SAMSN1: variants seen among roughly 807,000 people sequenced by gnomAD.
SAMSN1 encodes SAM domain, SH3 domain and nuclear localization signals 1.
In SAMSN1, 31 loss-of-function variants were observed where a neutral mutation model predicts 42.0. The observed-to-expected ratio is 0.74, with a 90% CI of 0.55 to 1.00. The LOEUF (loss-of-function observed/expected upper bound fraction) is 1.00, where lower values mean the gene tolerates loss of function less well. Ranked by LOEUF, SAMSN1 falls within the 50% of genes least tolerant of loss-of-function variation. The pLI is 0.00. For missense variants in SAMSN1, 464 were observed against 439.4 expected, an observed-to-expected ratio of 1.06 and a Z score of -0.50; for synonymous variants, 178 against 151.9, an observed-to-expected ratio of 1.17 and a Z score of -1.26.
At chr21:14,492,765 G>C (rs1276082115) in intron 7 of SAMSN1, among the ~76,000 whole-genome samples, 1 of 152,178 alleles carries the variant, frequency 6.6e-6, no homozygotes, top group East Asian at 1.9e-4. Context: ...AAGTTTGGAG[G>C]TAAAATTAAA....
chr21:14,501,934 G>A (rs1987177030), intron 5 of SAMSN1, among the ~76,000 whole-genome samples: 1 of 152,246 alleles, frequency 6.6e-6, no homozygotes, highest in East Asian at 1.9e-4. Flanking sequence ...AAACCTCATG[G>A]GGATATTTAT....
intron 2 of SAMSN1, among the ~76,000 whole-genome samples, chr21:14,620,726 CT>C (rs549652512): frequency 3.9e-4 from 60 of 152,152 alleles, no homozygotes; most frequent in Middle Eastern, 3.4e-3. Context: ...ATGAGTTAAC[CT>C]ATATAAAATC....
upstream of SAMSN1, among the ~76,000 whole-genome samples, chr21:14,587,744 CTTAT>C (rs75505800): frequency 4.6e-5 from 7 of 150,742 alleles, no homozygotes; most frequent in East Asian, 7.8e-4. Context: ...TATCCATCAC[CTTAT>C]TTATTTATTT....
At chr21:14,534,576 C>T (rs972577892) in intron 1 of SAMSN1, among the ~76,000 whole-genome samples, 3 of 150,516 alleles carry the variant, frequency 2.0e-5, no homozygotes, top group Non-Finnish European at 2.9e-5. Flanking sequence ...AGTGCAGTGG[C>T]GCTGTCTCGG....
At chr21:14,489,184 C>A (rs1055900499) in intron 7 of SAMSN1, among the ~76,000 whole-genome samples, 4 of 152,214 alleles carry the variant, frequency 2.6e-5, no homozygotes, top group African/African-American at 7.2e-5. Flanking sequence ...GAAACCATAA[C>A]CTTCATCAGT....
Position 14,563,767 on chromosome 21 carries a change from C to A in SAMSN1, c.261+18369G>T, listed in dbSNP as rs143954470. Among the ~76,000 whole-genome samples the A allele has an allele frequency of 2.9e-3, 438 of 152,266 alleles. 1 individual carries two copies. The highest frequency in any genetic ancestry group is 0.01 in the African/African-American group (417 of 41,552). ...CAGAATTTCACAATAGTTTCTTACC[C>A]TGCAAATCAAATGTTCTCCATGGAA... On this transcript the variant is annotated intron_variant, in intron 2 of 8. Coordinates refer to the SAMSN1 transcript ENST00000285670.
upstream of SAMSN1, among the ~76,000 whole-genome samples, chr21:14,586,648 G>C (rs771855029): frequency 2.0e-5 from 3 of 152,108 alleles, no homozygotes; most frequent in Non-Finnish European, 4.4e-5. Flanking sequence ...AAGAAATGCT[G>C]TATTAATAAT....
intron 1 of SAMSN1, among the ~76,000 whole-genome samples, chr21:14,545,376 T>C (rs1280730024): frequency 6.6e-6 from 1 of 152,134 alleles, no homozygotes; most frequent in Non-Finnish European, 1.5e-5. Flanking sequence ...ACTCAGCTAT[T>C]GTTTATCTCA....
chr21:14,646,406 A>T (rs1983713842), intron 1 of SAMSN1, among the ~76,000 whole-genome samples: 1 of 152,222 alleles, frequency 6.6e-6, no homozygotes, highest in South Asian at 2.1e-4. Flanking sequence ...ACCCCAGAAT[A>T]ATGTATCTGG....
rs985209024 is a variant in SAMSN1 at position 14,571,059 on chromosome 21, A to T, written c.261+11077T>A. On this transcript the variant is annotated intron_variant, in intron 2 of 8. Transcript: ENST00000285670. ...TCCATCACATTTGAACTCTATCATCACTACCCATGAAAGCATTTTCTGACT... is the reference window on the plus strand; with the variant it reads ...TCCATCACATTTGAACTCTATCATCTCTACCCATGAAAGCATTTTCTGACT... Among the ~76,000 whole-genome samples the T allele has an allele frequency of 9.9e-5, 15 of 152,280 alleles. 1 individual carries two copies. Among genetic ancestry groups the T allele is most frequent in the African/African-American group, 3.1e-4 (13 of 41,572 alleles).
chr21:14,634,557 T>C (rs1288212821), intron 2 of SAMSN1, among the ~76,000 whole-genome samples: 1 of 152,012 alleles, frequency 6.6e-6, no homozygotes, highest in East Asian at 1.9e-4. Context: ...CCAACAAACA[T>C]GAAGAAAGGC....
chr21:14,617,029 T>C (rs1175566195), intron 2 of SAMSN1, among the ~76,000 whole-genome samples: 1 of 152,192 alleles, frequency 6.6e-6, no homozygotes, highest in Non-Finnish European at 1.5e-5. Flanking sequence ...TTTATTTTCC[T>C]AGTGGTTGAG....
intron 2 of SAMSN1, among the ~76,000 whole-genome samples, chr21:14,552,640 G>A (rs1600926370): frequency 6.6e-6 from 1 of 152,042 alleles, no homozygotes; most frequent in Non-Finnish European, 1.5e-5. Flanking sequence ...TCTGTTGTTT[G>A]GAAGCTACCC....
chr21:14,633,287 TG>T (rs1983379553), intron 2 of SAMSN1, among the ~76,000 whole-genome samples: 1 of 152,166 alleles, frequency 6.6e-6, no homozygotes, highest in Non-Finnish European at 1.5e-5. Context: ...TGGTGTTCAC[TG>T]AGGTCCTTTT....
intron 6 of SAMSN1, among the ~76,000 whole-genome samples, chr21:14,596,337 C>T (rs1254946116): frequency 1.3e-5 from 2 of 151,902 alleles, no homozygotes; most frequent in South Asian, 2.1e-4. Context: ...TTTCTACCTG[C>T]AAAATAAGTT....
chr21:14,614,608 AC>A (rs1336858192), intron 3 of SAMSN1, among the ~76,000 whole-genome samples: 1 of 152,134 alleles, frequency 6.6e-6, no homozygotes, highest in Non-Finnish European at 1.5e-5. Context: ...AACGAAGGTG[AC>A]CCTTTTTAAG....
chr21:14,490,349 T>A (rs1179208659), intron 7 of SAMSN1, among the ~76,000 whole-genome samples: 3 of 152,178 alleles, frequency 2.0e-5, no homozygotes, highest in African/African-American at 7.2e-5. Context: ...TCCTCCTGTT[T>A]TTCTCTATCC....
At chr21:14,565,293 A>C (rs952210387) in intron 2 of SAMSN1, among the ~76,000 whole-genome samples, 14 of 151,604 alleles carry the variant, frequency 9.2e-5, no homozygotes, top group Non-Finnish European at 1.6e-4. Context: ...ATCCAAAAAA[A>C]AAAAAAAAAA....
intron 6 of SAMSN1, among the ~76,000 whole-genome samples, chr21:14,598,583 G>A (rs190635592): frequency 5.1e-4 from 78 of 152,240 alleles, no homozygotes; most frequent in African/African-American, 1.8e-3. Flanking sequence ...AGAAATATAC[G>A]TGGGGCAAAG....
Sources: gnomAD v4.1 joint callset for allele counts (sites outside exome capture counted in the v4.1 genomes callset) on GRCh38, gnomAD v4.1.1 for gene constraint, MANE v1.5 for transcripts, NCBI Gene and HGNC (gene_info 2026-07-23, HGNC 2026-07-21) for gene names.